Variants in DNM3 observed in about 807,000 individuals in gnomAD.
DNM3 encodes dynamin-3.
A neutral mutation model predicts 101.6 loss-of-function variants in DNM3; 47 were observed. That is an observed-to-expected ratio of 0.46 (90% CI 0.37 to 0.59). The LOEUF is 0.59. Among genes scored for constraint, DNM3 ranks in the 20% least tolerant of loss-of-function variants. DNM3 has a pLI of 0.00. For synonymous variants in DNM3, 385 were observed against 387.9 expected, an observed-to-expected ratio of 0.99 and a Z score of 0.09; for missense variants, 849 against 1,085.7, an observed-to-expected ratio of 0.78 and a Z score of 3.06.
chr1:172,184,267 T>C (rs1213411157), intron 14 of DNM3, among the ~76,000 whole-genome samples: 2 of 152,084 alleles, frequency 1.3e-5, no homozygotes, highest in Non-Finnish European at 2.9e-5. Context: ...CAACCTGAAC[T>C]GTTAAACAAG....
chr1:172,341,010 A>G (rs2066662055), intron 17 of DNM3, among the ~76,000 whole-genome samples: 1 of 152,148 alleles, frequency 6.6e-6, no homozygotes, highest in African/African-American at 2.4e-5. Context: ...TCTGCCCAAA[A>G]GCTCCTTGAG....
intron 11 of DNM3, among the ~76,000 whole-genome samples, chr1:172,076,666 C>T (rs941773278): frequency 2.6e-5 from 4 of 152,026 alleles, no homozygotes; most frequent in African/African-American, 7.2e-5. Context: ...GGGATGAAGC[C>T]GACTTGATCA....
chr1:172,096,195 A>G lies in DNM3; in HGVS notation c.1545+3320A>G, dbSNP rs552835799. On this transcript the variant is annotated intron_variant, in intron 13 of 20. Transcript: ENST00000627582. ...CCCTTCCCAATGTCTTTCACTATCT[A>G]TTACATTTTATTATTTGAAACAATC... Among the ~76,000 whole-genome samples, 10 of 152,332 alleles carry G rather than the reference A, an allele frequency of 6.6e-5. No homozygotes were observed. In the East Asian group the frequency reaches 1.2e-3, roughly 18 times the overall value.
At chr1:172,295,893 G>A (rs2064142117) in intron 15 of DNM3, among the ~76,000 whole-genome samples, 1 of 152,036 alleles carries the variant, frequency 6.6e-6, no homozygotes, top group South Asian at 2.1e-4. Flanking sequence ...AACAAAGATA[G>A]GTCAGGCAAA....
Position 172,408,402 on chromosome 1 carries a change from G to A in DNM3, c.*561G>A, listed in dbSNP as rs1183340802. The A allele has an allele frequency of 1.0e-6, 1 of 985,816 alleles. No homozygotes were observed. Among genetic ancestry groups the A allele is most frequent in the Non-Finnish European group, 1.2e-6 (1 of 830,256 alleles). The allele number at this position is 985,816 out of a possible 1,614,324, so 61.1% of individuals were successfully genotyped here. A position where few individuals can be genotyped will look rare whatever the true frequency, so the allele number is the denominator to read the frequency against. On this transcript the variant is annotated 3_prime_UTR_variant, in exon 21 of 21. Transcript: ENST00000627582. ...GACTCCTTAAGAATAAACTTTTCCA[G>A]AAGCACGAGGTAGTTTGCAAAGGAA... is the stretch of plus-strand genomic sequence containing the variant.
chr1:172,349,365 AGTC>A (rs1311777128), intron 17 of DNM3, among the ~76,000 whole-genome samples: 5 of 152,202 alleles, frequency 3.3e-5, no homozygotes, highest in African/African-American at 1.2e-4. Context: ...CTATTAGTTC[AGTC>A]GCTGGCACTT....
chr1:172,285,193 A>AT (rs2063650344), intron 15 of DNM3, among the ~76,000 whole-genome samples: 2 of 152,038 alleles, frequency 1.3e-5, no homozygotes, highest in South Asian at 4.2e-4. Flanking sequence ...TGAGAATGAT[A>AT]TTTTTTCTTT....
intron 20 of DNM3, among the ~76,000 whole-genome samples, chr1:172,405,031 G>C (rs1422281174): frequency 6.6e-6 from 1 of 151,972 alleles, no homozygotes; most frequent in Non-Finnish European, 1.5e-5. Context: ...TTCTGATCCA[G>C]GACTCTTTCT....
intron 10 of DNM3, among the ~76,000 whole-genome samples, chr1:172,051,291 C>T (rs2050188156): frequency 6.6e-6 from 1 of 152,086 alleles, no homozygotes; most frequent in Non-Finnish European, 1.5e-5. Flanking sequence ...TGTACCTGTT[C>T]CTTATATTCA....
chr1:171,846,213 T>C (rs1332926693), intron 1 of DNM3, among the ~76,000 whole-genome samples: 1 of 145,126 alleles, frequency 6.9e-6, no homozygotes, highest in Non-Finnish European at 1.5e-5. Context: ...TAACATTATA[T>C]AATATACTTT....
chr1:171,989,010 GAT>G lies in DNM3; in HGVS notation c.454_455del (p.Ile152ArgfsTer28). 6.2e-7 allele frequency: 1 copy of G among 1,609,162 alleles called. No individual in the cohort carries two copies. Among genetic ancestry groups the G allele is most frequent in the Non-Finnish European group, 8.5e-7 (1 of 1,177,532 alleles). On this transcript the variant is annotated frameshift_variant, in exon 4 of 21. Transcript: ENST00000627582. LOFTEE classifies it high-confidence loss of function. ...TKVPVGDQPPDIEYQIREMIM... is the reference protein window; with the variant it reads ...TKVPVGDQPPXIEYQIREMIM... Reference sequence around the variant, plus strand: ...AGTGCCTGTGGGAGATCAGCCACCAGATATCGAGTATCAGATCAGAGAAATGA... The same window carrying G: ...AGTGCCTGTGGGAGATCAGCCACCAGATCGAGTATCAGATCAGAGAAATGA...
chr1:172,010,677 A>C (rs1373085741), intron 4 of DNM3, among the ~76,000 whole-genome samples: 3 of 30,392 alleles, frequency 9.9e-5, no homozygotes, highest in Admixed American at 5.6e-4. Flanking sequence ...GTGCCTTGGT[A>C]TGTTTTGTGT....
intron 2 of DNM3, among the ~76,000 whole-genome samples, chr1:171,986,106 CA>C (rs1345571331): frequency 6.6e-6 from 1 of 152,126 alleles, no homozygotes; most frequent in African/African-American, 2.4e-5. Context: ...GACAACCTGC[CA>C]GATTTGTTGA....
chr1:171,921,663 G>A (rs775120266), intron 1 of DNM3, 85 bp from the exon 2 acceptor site: 186 of 1,063,266 alleles, frequency 1.7e-4, no homozygotes, highest in Non-Finnish European at 2.5e-4. Context: ...TGGGAATTAG[G>A]AGAATTGCTG....
At chr1:171,906,604 G>A (rs1211302601) in intron 1 of DNM3, among the ~76,000 whole-genome samples, 3 of 151,996 alleles carry the variant, frequency 2.0e-5, no homozygotes, top group Admixed American at 6.5e-5. Context: ...GTTTTTTAAT[G>A]AAAATGCATT....
At chr1:172,345,302 C>T (rs2066877986) in intron 17 of DNM3, among the ~76,000 whole-genome samples, 1 of 152,166 alleles carries the variant, frequency 6.6e-6, no homozygotes, top group Non-Finnish European at 1.5e-5. Flanking sequence ...ATTTTCTCAG[C>T]TGTGTCTTGC....
At chr1:172,246,916 A>G (rs1162434607) in intron 14 of DNM3, among the ~76,000 whole-genome samples, 1 of 152,154 alleles carries the variant, frequency 6.6e-6, no homozygotes, top group Non-Finnish European at 1.5e-5. Context: ...CAATGCATCA[A>G]AGAAAAAAAT....
chr1:172,284,365 G>A (rs145461346), intron 15 of DNM3, among the ~76,000 whole-genome samples: 1 of 152,182 alleles, frequency 6.6e-6, no homozygotes, highest in African/African-American at 2.4e-5. Context: ...AAATGTCATT[G>A]GGATATTGAG....
intron 11 of DNM3, among the ~76,000 whole-genome samples, chr1:172,074,500 T>G (rs1254964747): frequency 1.3e-5 from 2 of 151,962 alleles, no homozygotes; most frequent in Non-Finnish European, 2.9e-5. Context: ...TGGTGTGTGA[T>G]GCTCCCTTCC....
Sources: gnomAD v4.1 joint callset for allele counts (sites outside exome capture counted in the v4.1 genomes callset) on GRCh38, gnomAD v4.1.1 for gene constraint, MANE v1.5 for transcripts, NCBI Gene and HGNC (gene_info 2026-07-23, HGNC 2026-07-21) for gene names.